The following CYREN variants were observed in gnomAD, a reference collection of about 807,000 sequenced individuals.
CYREN encodes the protein cell cycle regulator of non-homologous end joining.
A neutral mutation model predicts 9.7 loss-of-function variants in CYREN; 7 were observed. That is an observed-to-expected ratio of 0.72 (90% CI 0.41 to 1.36). CYREN has a LOEUF of 1.36. Among genes scored for constraint, CYREN ranks in the 40% most tolerant of loss-of-function variants. CYREN has a pLI of 0.01. For missense variants in CYREN, 215 were observed against 198.1 expected, an observed-to-expected ratio of 1.09 and a Z score of -0.51; for synonymous variants, 76 against 77.9, an observed-to-expected ratio of 0.98 and a Z score of 0.13.
intron 2 of CYREN, among the ~76,000 whole-genome samples, chr7:135,122,013 GA>G (rs1247792582): frequency 6.6e-6 from 1 of 152,220 alleles, no homozygotes; most frequent in Non-Finnish European, 1.5e-5. Context: ...TAAGCCTACA[GA>G]GCTCCCCAGG....
intron 2 of CYREN, among the ~76,000 whole-genome samples, chr7:135,160,463 T>C (rs1829901385): frequency 6.6e-6 from 1 of 152,152 alleles, no homozygotes; most frequent in African/African-American, 2.4e-5. Context: ...AAGAGTGTCA[T>C]GGGGTTTCCA....
chr7:135,125,130 T>A (rs1827691650), intron 2 of CYREN, among the ~76,000 whole-genome samples: 1 of 150,624 alleles, frequency 6.6e-6, no homozygotes, highest in East Asian at 1.9e-4. Flanking sequence ...TTTAAAAAAA[T>A]TAACAAAATA....
At chr7:135,143,455 C>T (rs1468592423) in intron 2 of CYREN, among the ~76,000 whole-genome samples, 1 of 152,120 alleles carries the variant, frequency 6.6e-6, no homozygotes, top group Non-Finnish European at 1.5e-5. Context: ...GACCTTATTG[C>T]CTTCACAAAA....
intron 1 of CYREN, 43 bp from the exon 2 acceptor site, chr7:135,169,103 T>G: frequency 1.7e-6 from 1 of 605,592 alleles, no homozygotes; most frequent in Non-Finnish European, 2.8e-6. Context: ...ATACCTCCAG[T>G]CATCAGGCAC....
intron 2 of CYREN, among the ~76,000 whole-genome samples, chr7:135,128,207 G>A (rs1828171689): frequency 1.6e-5 from 2 of 125,640 alleles, no homozygotes; most frequent in South Asian, 5.6e-4. Flanking sequence ...CAGGAGAATT[G>A]CTTGAACCCA....
At chr7:135,117,259 G>T (rs1395320691) in intron 2 of CYREN, among the ~76,000 whole-genome samples, 2 of 152,066 alleles carry the variant, frequency 1.3e-5, no homozygotes, top group Non-Finnish European at 2.9e-5. Flanking sequence ...ACCTATGTTT[G>T]ACCAGAGAGA....
chr7:135,150,882 T>C (rs964418584), intron 2 of CYREN, among the ~76,000 whole-genome samples: 1 of 152,206 alleles, frequency 6.6e-6, no homozygotes, highest in Non-Finnish European at 1.5e-5. Flanking sequence ...AGATGGCTCA[T>C]TTGTAGACAT....
At chr7:135,130,806 C>A (rs762204091) in intron 2 of CYREN, among the ~76,000 whole-genome samples, 3 of 151,970 alleles carry the variant, frequency 2.0e-5, no homozygotes, top group Non-Finnish European at 4.4e-5. Flanking sequence ...TCTTTTTTTG[C>A]AACAGCAGTG....
At chr7:135,115,677 TTAA>T in intron 2 of CYREN, 1 of 1,286,820 alleles carries the variant, frequency 7.8e-7, no homozygotes, top group Non-Finnish European at 1.1e-6. Flanking sequence ...GCAGGGCTTA[TTAA>T]TTTATTATCC....
downstream of CYREN, among the ~76,000 whole-genome samples, chr7:135,162,816 T>C (rs746365384): frequency 1.3e-5 from 2 of 152,244 alleles, no homozygotes; most frequent in Admixed American, 6.5e-5. Context: ...TAAAATACAG[T>C]GTGCAGACCA....
intron 2 of CYREN, among the ~76,000 whole-genome samples, chr7:135,130,227 T>A (rs1246079736): frequency 6.6e-6 from 1 of 152,212 alleles, no homozygotes; most frequent in Admixed American, 6.5e-5. Context: ...AGGAAGCCCT[T>A]TACTCTGTAA....
downstream of CYREN, chr7:135,165,134 G>A: frequency 2.8e-6 from 3 of 1,084,826 alleles, no homozygotes; most frequent in South Asian, 1.8e-5. Flanking sequence ...TGGGGCCCCT[G>A]TGTCAAAGAG....
At chr7:135,118,010 G>C (rs554448321) in intron 2 of CYREN, among the ~76,000 whole-genome samples, 1 of 152,232 alleles carries the variant, frequency 6.6e-6, no homozygotes, top group Non-Finnish European at 1.5e-5. Context: ...TGTGGAGAGA[G>C]AAAAGCAGAG....
intron 2 of CYREN, chr7:135,115,356 C>T (rs893306877): frequency 1.4e-5 from 20 of 1,415,416 alleles, no homozygotes; most frequent in Non-Finnish European, 1.9e-5. Context: ...TATCTCTGTA[C>T]ATATTTTTGT....
At chr7:135,109,083 G>A (rs958114559) in intron 2 of CYREN, among the ~76,000 whole-genome samples, 10 of 152,082 alleles carry the variant, frequency 6.6e-5, no homozygotes, top group Non-Finnish European at 1.2e-4. Context: ...GTCAGCTCCT[G>A]TATCCATTTT....
At chr7:135,116,554 G>A (rs1410400071) in intron 2 of CYREN, among the ~76,000 whole-genome samples, 1 of 152,174 alleles carries the variant, frequency 6.6e-6, no homozygotes, top group African/African-American at 2.4e-5. Context: ...TCTGTCCATT[G>A]AGTATGGAAA....
At chr7:135,093,421 C>A (rs184555446) in exon 3 of CYREN, 158 of 152,146 alleles carry the variant, frequency 1.0e-3, no homozygotes, top group African/African-American at 3.7e-3. Context: ...AATTACATCT[C>A]AAAAACCTGT....
At chr7:135,094,197 G>C (rs763858695) in exon 3 of CYREN, 7 of 352,980 alleles carry the variant, frequency 2.0e-5, no homozygotes, top group Non-Finnish European at 3.9e-5. Flanking sequence ...TCTCGTTTTA[G>C]CTGCAACATG....
chr7:135,112,448 C>G (rs1301108283), intron 2 of CYREN, among the ~76,000 whole-genome samples: 2 of 152,174 alleles, frequency 1.3e-5, no homozygotes, highest in South Asian at 2.1e-4. Flanking sequence ...TCATACCTAC[C>G]TGATATCCCA....
Sources: allele counts gnomAD v4.1 joint callset (sites outside exome capture counted in the v4.1 genomes callset), GRCh38; gene constraint gnomAD v4.1.1; transcripts MANE v1.5; gene names NCBI Gene and HGNC (gene_info 2026-07-23, HGNC 2026-07-21).